Variants in PDCD1LG2 observed in about 807,000 individuals in gnomAD.
The protein encoded by PDCD1LG2 is programmed cell death 1 ligand 2, also known as B7 dendritic cell molecule.
A neutral mutation model predicts 28.2 loss-of-function variants in PDCD1LG2; 32 were observed. The observed-to-expected ratio is 1.13, with a 90% CI of 0.86 to 1.52. The LOEUF (loss-of-function observed/expected upper bound fraction) is 1.52. Among genes scored for constraint, PDCD1LG2 ranks in the 40% most tolerant of loss-of-function variants. The pLI, the probability that PDCD1LG2 is intolerant of heterozygous loss-of-function variation, is 0.00. For synonymous variants in PDCD1LG2, 116 were observed against 120.2 expected (o/e 0.97, Z 0.23); for missense variants, 385 against 323.8 (o/e 1.19, Z -1.45).
At chr9:5,558,185 A>G (rs993551836) in intron 5 of PDCD1LG2, among the ~76,000 whole-genome samples, 9 of 152,066 alleles carry the variant, frequency 5.9e-5, no homozygotes, top group African/African-American at 2.2e-4. Context: ...CCCCTCTCCC[A>G]GGAATCTCAA....
In PDCD1LG2 at chr9:5,549,325, T is replaced by A. The variant is rs370612858; in HGVS notation, c.362-10T>A. Reference sequence around the variant, plus strand: ...TAAAGTCTTATTTCTTTTTCTTCTCTATTGTCCAGCTTCCTACAGGAAAAT... The same window carrying A: ...TAAAGTCTTATTTCTTTTTCTTCTCAATTGTCCAGCTTCCTACAGGAAAAT... On this transcript the variant is annotated splice_polypyrimidine_tract_variant and intron_variant, in intron 3 of 6. Transcript: ENST00000397747. 2.9e-5 allele frequency: 47 copies of A among 1,604,900 alleles called. No individual in the cohort carries two copies. Among genetic ancestry groups the A allele is most frequent in the African/African-American group, 5.4e-5 (4 of 74,628 alleles).
Position 5,549,540 on chromosome 9 carries a change from C to T in PDCD1LG2, c.567C>T (p.Asn189=), listed in dbSNP as rs12342703. 2.2e-3 allele frequency: 3,542 copies of T among 1,614,210 alleles called. 69 individuals are homozygous for T. In the African/African-American group the frequency reaches 0.04, roughly 18 times the overall value. ...VLRLKPPPGR[N]FSCVFWNTHV... Reference sequence around the variant, plus strand: ...GCCTAAAGCCACCCCCTGGCAGAAACTTCAGCTGTGTGTTCTGGAATACTC... The same window carrying T: ...GCCTAAAGCCACCCCCTGGCAGAAATTTCAGCTGTGTGTTCTGGAATACTC... The change falls in exon 4 of 7, where the codon AAC becomes AAT. Residue 189 remains asparagine (N), a synonymous_variant. Transcript: ENST00000397747.
intron 6 of PDCD1LG2, among the ~76,000 whole-genome samples, chr9:5,565,112 A>G (rs376614600): frequency 9.5e-4 from 145 of 152,328 alleles, no homozygotes; most frequent in African/African-American, 3.3e-3. Flanking sequence ...GGGCCAATAA[A>G]TTGATTCAGC....
chr9:5,530,983 G>A (rs56880157), intron 2 of PDCD1LG2, among the ~76,000 whole-genome samples: 2,180 of 152,300 alleles, frequency 0.014, 50 homozygotes, highest in African/African-American at 0.046. Context: ...GGTAAAAGAC[G>A]CTTGCACGTG....
intron 2 of PDCD1LG2, among the ~76,000 whole-genome samples, chr9:5,530,864 A>T (rs1480873711): frequency 6.6e-6 from 1 of 152,224 alleles, no homozygotes; most frequent in Non-Finnish European, 1.5e-5. Flanking sequence ...AATCACCGTG[A>T]CCTTCTTAAA....
chr9:5,541,178 A>G (rs1471910722), intron 3 of PDCD1LG2, among the ~76,000 whole-genome samples: 1 of 152,198 alleles, frequency 6.6e-6, no homozygotes, highest in African/African-American at 2.4e-5. Flanking sequence ...TATGATTAAA[A>G]CCCTCAGCAA....
intron 6 of PDCD1LG2, among the ~76,000 whole-genome samples, chr9:5,566,411 T>A (rs944897828): frequency 7.9e-5 from 12 of 152,208 alleles, no homozygotes; most frequent in Admixed American, 2.0e-4. Flanking sequence ...TGTGATTAAT[T>A]TGTAGTTAAG....
chr9:5,530,686 G>A (rs887714991), intron 2 of PDCD1LG2, among the ~76,000 whole-genome samples: 1 of 152,206 alleles, frequency 6.6e-6, no homozygotes. Context: ...AATGTGGATA[G>A]CAACATCTAC....
chr9:5,554,116 A>G (rs1816390613), intron 4 of PDCD1LG2, among the ~76,000 whole-genome samples: 1 of 152,140 alleles, frequency 6.6e-6, no homozygotes, highest in African/African-American at 2.4e-5. Context: ...CCTTGTAACT[A>G]TGCTTGCCTT....
At chr9:5,535,895 A>G (rs982103943) in intron 3 of PDCD1LG2, among the ~76,000 whole-genome samples, 16 of 152,224 alleles carry the variant, frequency 1.1e-4, no homozygotes, top group African/African-American at 3.6e-4. Flanking sequence ...GAGGAAAGAC[A>G]TATAACAACT....
chr9:5,531,345 G>A (rs1217353028), intron 2 of PDCD1LG2, among the ~76,000 whole-genome samples: 1 of 152,206 alleles, frequency 6.6e-6, no homozygotes, highest in Admixed American at 6.6e-5. Flanking sequence ...TATTTTGTAT[G>A]GAGTAATCAA....
Position 5,570,051 on chromosome 9 carries a change from C to A in PDCD1LG2, c.*92C>A. The A allele has an allele frequency of 6.6e-7, 1 of 1,526,250 alleles. No homozygotes were observed. Among genetic ancestry groups the A allele is most frequent in the Non-Finnish European group, 9.0e-7 (1 of 1,105,000 alleles). 94.5% of individuals were successfully genotyped at this position (1,526,250 alleles called of 1,614,324 possible). ...GAATTCGGTGGCCTGCAGAGCTTGC[C>A]ATTTGCACTTTTCAAATGCCTTTGG... is the stretch of plus-strand genomic sequence containing the variant. On this transcript the variant is annotated 3_prime_UTR_variant, in exon 7 of 7. Coordinates refer to ENST00000397747, the MANE Select transcript of PDCD1LG2 (RefSeq NM_025239.4).
At chr9:5,514,585 A>C (rs1336051797) in intron 1 of PDCD1LG2, among the ~76,000 whole-genome samples, 1 of 152,144 alleles carries the variant, frequency 6.6e-6, no homozygotes, top group Non-Finnish European at 1.5e-5. Context: ...TGTAGAAATA[A>C]GCAGAATAAG....
intron 2 of PDCD1LG2, among the ~76,000 whole-genome samples, chr9:5,527,921 C>T (rs1469996635): frequency 5.3e-5 from 8 of 152,068 alleles, no homozygotes; most frequent in African/African-American, 1.7e-4. Context: ...CTCCGCCTCC[C>T]GGGTTCAGGC....
intron 3 of PDCD1LG2, among the ~76,000 whole-genome samples, chr9:5,538,913 G>A (rs1307195588): frequency 6.6e-6 from 1 of 152,014 alleles, no homozygotes; most frequent in Non-Finnish European, 1.5e-5. Flanking sequence ...ACAATGTATA[G>A]TGATCAGATC....
chr9:5,510,876 G>T (rs576301649), intron 1 of PDCD1LG2, 73 bp downstream of exon 1: 1 of 152,730 alleles, frequency 6.5e-6, no homozygotes, highest in East Asian at 1.9e-4. Flanking sequence ...CAGGGTGGGG[G>T]AAGGGTGGCC....
intron 2 of PDCD1LG2, among the ~76,000 whole-genome samples, chr9:5,526,780 AAAG>A (rs1820388397): frequency 6.6e-6 from 1 of 152,168 alleles, no homozygotes; most frequent in South Asian, 2.1e-4. Context: ...AAGAGGACTA[AAAG>A]AAGTTTTAGT....
intron 6 of PDCD1LG2, among the ~76,000 whole-genome samples, chr9:5,567,505 G>A (rs1453367518): frequency 2.0e-5 from 3 of 152,152 alleles, no homozygotes; most frequent in Non-Finnish European, 4.4e-5. Flanking sequence ...TGATACCATA[G>A]ATATATATCA....
At chr9:5,529,850 T>C (rs1820448180) in intron 2 of PDCD1LG2, among the ~76,000 whole-genome samples, 1 of 152,328 alleles carries the variant, frequency 6.6e-6, no homozygotes, top group South Asian at 2.1e-4. Flanking sequence ...AAAGGATTTC[T>C]ATGCGAAGAC....
Sources: gnomAD v4.1 joint callset for allele counts (sites outside exome capture counted in the v4.1 genomes callset) on GRCh38, gnomAD v4.1.1 for gene constraint, MANE v1.5 for transcripts, NCBI Gene and HGNC (gene_info 2026-07-23, HGNC 2026-07-21) for gene names.